The following SQLE variants were observed in gnomAD, a reference collection of about 807,000 sequenced individuals.
SQLE encodes the protein squalene epoxidase, also known as squalene monooxygenase.
Under a neutral mutation model 60.7 loss-of-function variants are expected in SQLE, and 29 were observed. That is an observed-to-expected ratio of 0.48 (90% CI 0.36 to 0.65). The LOEUF (loss-of-function observed/expected upper bound fraction) is 0.65. SQLE is among the 30% of genes least tolerant of loss of function. The pLI, the probability that SQLE is intolerant of heterozygous loss-of-function variation, is 0.00. For synonymous variants in SQLE, 237 were observed against 246.8 expected (o/e 0.96, Z 0.37); for missense variants, 605 against 684.1 (o/e 0.88, Z 1.29).
At chr8:125,002,730 G>A (rs909080137) in intron 1 of SQLE, among the ~76,000 whole-genome samples, 1 of 152,054 alleles carries the variant, frequency 6.6e-6, no homozygotes, top group Non-Finnish European at 1.5e-5. Flanking sequence ...AAAAGGTGCC[G>A]AATAGTTTGT....
rs746404552 is a variant in SQLE, at chr8:124,999,563, C to T, written c.160C>T (p.Leu54Phe). Reference protein sequence around the residue: ...YRCRHRNGGLLGRQQSGSQFA... With the variant: ...YRCRHRNGGLFGRQQSGSQFA... ...CTGTCGCCACCGAAACGGGGGTCTC[C>T]TCGGGCGCCAGCAGAGCGGCTCCCA... Residue 54 changes from leucine (L) to phenylalanine (F), a missense_variant, in exon 1 of 11, where the codon CTC (leucine) becomes TTC (phenylalanine). Leu to Phe is a conservative substitution (Grantham distance 22). Transcript: ENST00000265896. 7 of 1,613,434 alleles carry T rather than the reference C, an allele frequency of 4.3e-6. No individual in the cohort carries two copies. Among genetic ancestry groups the T allele is most frequent in the Non-Finnish European group, 1.7e-6 (2 of 1,179,674 alleles).
chr8:125,001,522 A>AT (rs1814852820), intron 1 of SQLE, among the ~76,000 whole-genome samples: 1 of 151,414 alleles, frequency 6.6e-6, no homozygotes, highest in South Asian at 2.1e-4. Context: ...GAAGAAGCAC[A>AT]TTTTTGGTTA....
chr8:125,022,052 A>G lies in SQLE; in HGVS notation c.*107A>G. Reference sequence around the variant, plus strand: ...TAGTACCATACCACTTATAAAGTGGAAACTCTTGGACCAAGATTTGGATTA... The same window carrying G: ...TAGTACCATACCACTTATAAAGTGGGAACTCTTGGACCAAGATTTGGATTA... On this transcript the variant is annotated 3_prime_UTR_variant, in exon 11 of 11. Coordinates refer to ENST00000265896, the MANE Select transcript of SQLE (RefSeq NM_003129.4). 1.4e-6 allele frequency: 1 copy of G among 720,312 alleles called. No individual in the cohort carries two copies. Among genetic ancestry groups the G allele is most frequent in the Admixed American group, 4.2e-5 (1 of 23,554 alleles). The allele number at this position is 720,312 out of a possible 1,614,324, so 44.6% of individuals were successfully genotyped here. A position where few individuals can be genotyped will look rare whatever the true frequency, so the allele number is the denominator to read the frequency against.
In SQLE at chr8:125,011,556, C is replaced by T. The variant is rs764345780; in HGVS notation, c.1128C>T (p.Phe376=). Residue 376 remains phenylalanine, a synonymous_variant, in exon 7 of 11, where the codon TTC becomes TTT. Transcript: ENST00000265896. ...PQIPDHLKEP[F]LEATDNSHLR... is the part of the protein sequence containing the mutation. ...TTGCAGATCACCTGAAAGAACCATTCTTAGAAGCCACTGACAATTCTCATC... is the reference window on the plus strand; with the variant it reads ...TTGCAGATCACCTGAAAGAACCATTTTTAGAAGCCACTGACAATTCTCATC... The T allele has an allele frequency of 1.3e-6, 2 of 1,584,622 alleles. No homozygotes were observed. Among genetic ancestry groups the T allele is most frequent in the African/African-American group, 2.7e-5 (2 of 74,518 alleles).
intron 1 of SQLE, 34 bp downstream of exon 1, chr8:124,999,728 T>C (rs374714705): frequency 3.3e-6 from 5 of 1,536,854 alleles, no homozygotes; most frequent in Middle Eastern, 1.8e-4. Flanking sequence ...GATGAATGTC[T>C]TATTTAGGAG....
intron 5 of SQLE, 42 bp downstream of exon 5, chr8:125,009,126 T>C (rs757825323): frequency 1.3e-6 from 2 of 1,568,108 alleles, no homozygotes; most frequent in Non-Finnish European, 1.7e-6. Context: ...TAAAAGAAAC[T>C]TGAAATTTGA....
chr8:125,008,839 A>C, intron 4 of SQLE, 132 bp from the exon 5 acceptor site: 1 of 547,488 alleles, frequency 1.8e-6, no homozygotes, highest in Non-Finnish European at 3.0e-6. Context: ...CTTCAATAGT[A>C]TTATCTTCAA....
rs1200189197 is a variant in SQLE at position 125,018,648 on chromosome 8, C to T, written c.1365C>T (p.Tyr455=). ...AAIFEAKKSF[Y]WARKTSHSFV... ...TTTTTTAGGCCAAAAAATCATTTTA[C>T]TGGGCAAGAAAAACATCTCATTCCT... The change falls in exon 9 of 11, where the codon TAC becomes TAT. Residue 455 remains tyrosine (Y), a synonymous_variant. Transcript: ENST00000265896. 4 of 1,599,604 alleles carry T rather than the reference C, an allele frequency of 2.5e-6. No homozygotes were observed. The East Asian group carries it at 8.9e-5, about 36-fold the overall frequency.
At chr8:125,012,087 T>A (rs1030826983) in intron 7 of SQLE, among the ~76,000 whole-genome samples, 7 of 151,830 alleles carry the variant, frequency 4.6e-5, no homozygotes, top group Non-Finnish European at 1.0e-4. Context: ...ATGAGGAACT[T>A]CTAGGTAGAT....
intron 7 of SQLE, among the ~76,000 whole-genome samples, chr8:125,013,659 T>C (rs993745233): frequency 1.5e-4 from 23 of 152,294 alleles, no homozygotes; most frequent in Middle Eastern, 3.4e-3. Context: ...GGCCTGTTAC[T>C]CCTATATTTT....
chr8:125,018,464 C>G (rs375222574), intron 8 of SQLE, among the ~76,000 whole-genome samples, 167 bp from the exon 9 acceptor site: 2 of 152,136 alleles, frequency 1.3e-5, no homozygotes, highest in East Asian at 1.9e-4. Context: ...GTCATATAAC[C>G]CATTGCTCTG....
intron 7 of SQLE, among the ~76,000 whole-genome samples, chr8:125,012,170 A>G (rs1815048776): frequency 6.6e-6 from 1 of 152,150 alleles, no homozygotes; most frequent in South Asian, 2.1e-4. Flanking sequence ...TGGCAGGAGC[A>G]TAGGGTGGGT....
chr8:125,008,364 C>T (rs1212505523), intron 4 of SQLE, among the ~76,000 whole-genome samples: 1 of 152,186 alleles, frequency 6.6e-6, no homozygotes, highest in African/African-American at 2.4e-5. Flanking sequence ...GCTGGGATTA[C>T]AGGCGTGAGC....
At chr8:125,007,514 C>T (rs1248262864) in intron 4 of SQLE, 27 bp downstream of exon 4, 4 of 1,432,196 alleles carry the variant, frequency 2.8e-6, no homozygotes, top group Non-Finnish European at 3.8e-6. Context: ...GTCACCTCTT[C>T]CTAAGAGATG....
chr8:125,020,710 A>G, intron 9 of SQLE, 74 bp from the exon 10 acceptor site: 1 of 923,972 alleles, frequency 1.1e-6, no homozygotes, highest in Non-Finnish European at 1.7e-6. Context: ...GTTATTTCTC[A>G]TTTTTTCTGA....
intron 4 of SQLE, among the ~76,000 whole-genome samples, chr8:125,007,936 T>C (rs1044066827): frequency 1.1e-4 from 17 of 152,214 alleles, no homozygotes; most frequent in Admixed American, 8.5e-4. Context: ...GAAACAGTAA[T>C]ATACATCAGC....
intron 1 of SQLE, chr8:124,999,907 T>C (rs1814814617): frequency 1.4e-6 from 1 of 734,304 alleles, no homozygotes. Context: ...TAGCATTGGT[T>C]GAGCCTCAGA....
chr8:125,003,333 C>T lies in SQLE; in HGVS notation c.449C>T (p.Thr150Ile). 1 of 1,613,952 alleles carries T rather than the reference C, an allele frequency of 6.2e-7. No individual in the cohort carries two copies. The highest frequency in any genetic ancestry group is 8.5e-7 in the Non-Finnish European group (1 of 1,179,886). Residue 150 changes from threonine (T) to isoleucine (I), a missense_variant, in exon 2 of 11, where the codon ACA becomes ATA. Thr to Ile is a moderately conservative substitution (Grantham distance 89). Transcript: ENST00000265896. ...AVLSRDGRKVTVIERDLKEPD... is the reference protein window; with the variant it reads ...AVLSRDGRKVIVIERDLKEPD... ...CTTTCCAGAGATGGAAGAAAGGTGA[C>T]AGTCATTGAGAGAGACTTAAAAGAG...
intron 2 of SQLE, among the ~76,000 whole-genome samples, chr8:125,004,160 C>T (rs13264301): frequency 0.18 from 27,952 of 152,072 alleles, 3,044 homozygotes; most frequent in Middle Eastern, 0.33. Context: ...TTGACAGAAA[C>T]ATATTTCCAA....
Sources: gnomAD v4.1 joint callset for allele counts (sites outside exome capture counted in the v4.1 genomes callset) on GRCh38, gnomAD v4.1.1 for gene constraint, MANE v1.5 for transcripts, NCBI Gene and HGNC (gene_info 2026-07-23, HGNC 2026-07-21) for gene names.